Variants in AGTPBP1 observed in about 807,000 individuals in gnomAD.
AGTPBP1 encodes cytosolic carboxypeptidase 1.
A neutral mutation model predicts 143.9 loss-of-function variants in AGTPBP1; 70 were observed. The ratio of observed to expected loss-of-function variants is 0.49; its 90% CI spans 0.40 to 0.59. AGTPBP1 has a LOEUF of 0.59. Among genes scored for constraint, AGTPBP1 ranks in the 20% least tolerant of loss-of-function variants. The probability of loss-of-function intolerance (pLI) is 0.00; values close to 1 mark genes in which losing one functional copy is unlikely to be tolerated. For synonymous variants in AGTPBP1, 463 were observed against 500.2 expected (o/e 0.93, Z 0.99); for missense variants, 1,229 against 1,464.5 (o/e 0.84, Z 2.62).
chr9:85,788,982 C>G, the AGTPBP1 span, among the ~76,000 whole-genome samples: 2 of 151,894 alleles, frequency 1.3e-5, no homozygotes, highest in South Asian at 4.1e-4. Flanking sequence ...TGGAATCCTA[C>G]TTGCTCAAGA....
intron 1 of AGTPBP1, among the ~76,000 whole-genome samples, chr9:85,736,459 T>C (rs1187858852): frequency 6.6e-6 from 1 of 152,188 alleles, no homozygotes; most frequent in Non-Finnish European, 1.5e-5. Flanking sequence ...TATTCGAAAG[T>C]ATATATTATC....
At position 85,575,347 on chromosome 9, in the gene AGTPBP1, A is replaced by G. The variant is rs139142318; in HGVS notation, c.3471T>C (p.Asn1157=). Residue 1157 remains asparagine (N), a synonymous_variant, in exon 25 of 26, where the codon AAT becomes AAC. Coordinates refer to ENST00000357081, the MANE Select transcript of AGTPBP1 (RefSeq NM_001330701.2). Reference sequence around the variant, plus strand: ...CTTTGCAGCTTGATTCAATTAAATCATTTTCAAAGTCAAGCAGGCTGGAAG... The same window carrying G: ...CTTTGCAGCTTGATTCAATTAAATCGTTTTCAAAGTCAAGCAGGCTGGAAG... The part of the protein sequence containing the change: ...NLPSSLLDFE[N]DLIESSCKVT... 98 of 1,598,844 alleles carry G rather than the reference A, an allele frequency of 6.1e-5. No homozygotes were observed. Among genetic ancestry groups the G allele is most frequent in the Non-Finnish European group, 7.9e-5 (93 of 1,175,782 alleles).
rs1245325032 is a variant in AGTPBP1, at chr9:85,630,387, C to CTTATTTATTTATTTAT, written c.2015+2274_2015+2275insATAAATAAATAAATAA. On this transcript the variant is annotated intron_variant, in intron 14 of 25. Coordinates refer to ENST00000357081, the MANE Select transcript of AGTPBP1 (RefSeq NM_001330701.2). ...CTTACAGGATTGACTTACTTACTTA[C>CTTATTTATTTATTTAT]TTACTTATTTATTTAGTTATTTATT... 1.8e-3 allele frequency among the ~76,000 whole-genome samples: 259 copies of CTTATTTATTTATTTAT among 144,342 alleles called. 1 individual carries two copies. Among genetic ancestry groups the CTTATTTATTTATTTAT allele is most frequent in the African/African-American group, 6.6e-3 (246 of 37,504 alleles). The allele number at this position is 144,342 out of a possible 152,430, so 94.7% of individuals were successfully genotyped here.
the AGTPBP1 span, chr9:85,792,124 G>A: frequency 6.6e-6 from 1 of 152,036 alleles, no homozygotes; most frequent in Middle Eastern, 3.4e-3. Context: ...TTTGTCTACC[G>A]AAAAACCTGT....
chr9:85,564,605 C>T (rs1260878887), intron 25 of AGTPBP1, among the ~76,000 whole-genome samples: 1 of 152,160 alleles, frequency 6.6e-6, no homozygotes, highest in African/African-American at 2.4e-5. Flanking sequence ...CATTGTGTTA[C>T]AATTATATAT....
At chr9:85,559,733 C>T (rs1451348592) in intron 25 of AGTPBP1, among the ~76,000 whole-genome samples, 1 of 152,170 alleles carries the variant, frequency 6.6e-6, no homozygotes, top group East Asian at 1.9e-4. Context: ...GTCACACACC[C>T]ACCAGTGTCA....
rs185021689 is a variant in AGTPBP1 at position 85,571,001 on chromosome 9, T to G, written c.3503+4314A>C. On this transcript the variant is annotated intron_variant, in intron 25 of 25. Transcript: ENST00000357081. ...AGACATTTAATTTAAAAACTAGACT[T>G]AACCCTTAGGTGTAGAATCAGAATG... 3.3e-3 allele frequency among the ~76,000 whole-genome samples: 501 copies of G among 152,350 alleles called. 5 individuals are homozygous for G. Among genetic ancestry groups the G allele is most frequent in the African/African-American group, 0.011 (465 of 41,578 alleles).
the AGTPBP1 span, among the ~76,000 whole-genome samples, chr9:85,778,698 G>A: frequency 1.3e-4 from 20 of 152,138 alleles, no homozygotes; most frequent in South Asian, 2.1e-4. Flanking sequence ...AGGAAGGGCC[G>A]AATGCAGCAA....
chr9:85,725,708 G>A (rs890498084), intron 1 of AGTPBP1, among the ~76,000 whole-genome samples: 2 of 152,098 alleles, frequency 1.3e-5, no homozygotes, highest in Non-Finnish European at 2.9e-5. Context: ...CCAAGAGTTC[G>A]AGACTAGCCT....
rs71505763 is a variant in AGTPBP1, at chr9:85,728,030, T to TATACAC, written c.-34+13744_-34+13745insGTGTAT. Among the ~76,000 whole-genome samples the TATACAC allele has an allele frequency of 1.0e-3, 128 of 128,430 alleles. 1 individual carries two copies. The highest frequency in any genetic ancestry group is 3.6e-3 in the African/African-American group (124 of 34,776). The allele number at this position is 128,430 out of a possible 152,430, so 84.3% of individuals were successfully genotyped here. On this transcript the variant is annotated intron_variant, in intron 1 of 25. Transcript: ENST00000357081. Reference sequence around the variant, plus strand: ...CCGTGTCTCAAAATATATATTTATATACACACACACACACACACACACACA... The same window carrying TATACAC: ...CCGTGTCTCAAAATATATATTTATATATACACACACACACACACACACACACACACA...
chr9:85,738,622 A>G (rs559461728), intron 1 of AGTPBP1, among the ~76,000 whole-genome samples: 2 of 152,324 alleles, frequency 1.3e-5, no homozygotes, highest in African/African-American at 4.8e-5. Context: ...AATAGCAGCC[A>G]TCACCAACAG....
At chr9:85,739,110 TAAAGCAAAGCCAGGACCC>T (rs1197762704) in intron 1 of AGTPBP1, among the ~76,000 whole-genome samples, 1 of 152,138 alleles carries the variant, frequency 6.6e-6, no homozygotes, top group Non-Finnish European at 1.5e-5. Context: ...ATAACTTGCC[TAAAGCAAAGCCAGGACCC>T]AAACCGAGCC....
At chr9:85,788,417 AT>A in the AGTPBP1 span, among the ~76,000 whole-genome samples, 2 of 149,714 alleles carry the variant, frequency 1.3e-5, no homozygotes, top group African/African-American at 4.9e-5. Flanking sequence ...TCATATATAT[AT>A]ATATACACTT....
chr9:85,579,193 A>G, intron 23 of AGTPBP1, 97 bp from the exon 24 acceptor site: 2 of 1,239,730 alleles, frequency 1.6e-6, no homozygotes, highest in Non-Finnish European at 2.2e-6. Context: ...CAGTAATTAG[A>G]GCAAAGCCAT....
intron 2 of AGTPBP1, among the ~76,000 whole-genome samples, chr9:85,696,317 TTC>T (rs1564155228): frequency 6.6e-6 from 1 of 152,188 alleles, no homozygotes; most frequent in Non-Finnish European, 1.5e-5. Context: ...TTAAAGAATT[TTC>T]TCATAAAATC....
At chr9:85,584,423 G>A (rs1415462868) in intron 23 of AGTPBP1, among the ~76,000 whole-genome samples, 1 of 152,064 alleles carries the variant, frequency 6.6e-6, no homozygotes, top group Non-Finnish European at 1.5e-5. Context: ...ATGTTTTCCA[G>A]TAGCTTCCAC....
chr9:85,573,338 G>A (rs1272214282), intron 25 of AGTPBP1, among the ~76,000 whole-genome samples: 4 of 152,184 alleles, frequency 2.6e-5, no homozygotes, highest in Non-Finnish European at 5.9e-5. Flanking sequence ...GCTCCTAACC[G>A]CGAGTGATCC....
intron 1 of AGTPBP1, among the ~76,000 whole-genome samples, chr9:85,736,970 G>C (rs1473316025): frequency 6.6e-6 from 1 of 152,216 alleles, no homozygotes; most frequent in East Asian, 1.9e-4. Flanking sequence ...GCCAGGCGTG[G>C]TGGTAGGCGC....
intron 2 of AGTPBP1, among the ~76,000 whole-genome samples, chr9:85,706,202 T>C (rs1002441520): frequency 4.6e-5 from 7 of 150,738 alleles, no homozygotes; most frequent in Admixed American, 6.6e-5. Context: ...AAGAAGAGAA[T>C]AAAAAATGAG....
Sources: gnomAD v4.1 joint callset for allele counts (sites outside exome capture counted in the v4.1 genomes callset) on GRCh38, gnomAD v4.1.1 for gene constraint, MANE v1.5 for transcripts, NCBI Gene and HGNC (gene_info 2026-07-23, HGNC 2026-07-21) for gene names.